The following NTRK3 variants were observed in gnomAD, a reference collection of about 807,000 sequenced individuals.
NTRK3 encodes neurotrophic receptor tyrosine kinase 3.
In NTRK3, 24 loss-of-function variants were observed where a neutral mutation model predicts 91.7. The ratio of observed to expected loss-of-function variants is 0.26; its 90% CI spans 0.19 to 0.37. NTRK3 has a LOEUF of 0.37. Ranked by LOEUF, NTRK3 falls within the 10% of genes least tolerant of loss-of-function variation. The probability of loss-of-function intolerance (pLI) is 1.00; values close to 1 mark genes in which losing one functional copy is unlikely to be tolerated. For missense variants in NTRK3, 880 were observed against 1,068.9 expected, an observed-to-expected ratio of 0.82 and a Z score of 2.46; for synonymous variants, 483 against 404.0, an observed-to-expected ratio of 1.20 and a Z score of -2.34.
chr15:88,187,982 G>A (rs2047079184), intron 3 of NTRK3, among the ~76,000 whole-genome samples: 1 of 152,088 alleles, frequency 6.6e-6, no homozygotes, highest in Non-Finnish European at 1.5e-5. Context: ...CTAGAGGCAG[G>A]CCAGGCACCT....
chr15:88,080,143 T>C (rs1429181301), intron 13 of NTRK3, among the ~76,000 whole-genome samples: 1 of 152,252 alleles, frequency 6.6e-6, no homozygotes, highest in Non-Finnish European at 1.5e-5. Context: ...TTTCCATCAT[T>C]ACAAATAGCA....
chr15:88,014,438 ATC>A (rs2077089053), intron 14 of NTRK3, among the ~76,000 whole-genome samples: 1 of 152,190 alleles, frequency 6.6e-6, no homozygotes, highest in African/African-American at 2.4e-5. Context: ...GTCTCACTGG[ATC>A]TCTGAGATAT....
At chr15:88,137,157 G>A (rs531794646) in intron 7 of NTRK3, among the ~76,000 whole-genome samples, 9 of 152,208 alleles carry the variant, frequency 5.9e-5, no homozygotes, top group Non-Finnish European at 1.3e-4. Context: ...GGTGTGATGA[G>A]AAGGAGCACA....
At chr15:88,139,935 T>A (rs1031918488) in intron 6 of NTRK3, among the ~76,000 whole-genome samples, 1 of 21,168 alleles carries the variant, frequency 4.7e-5, no homozygotes, top group Non-Finnish European at 9.4e-5. Flanking sequence ...GGGGGGAGTG[T>A]GGGGGGTGGG....
chr15:88,043,789 C>T (rs1025374988), intron 13 of NTRK3, among the ~76,000 whole-genome samples: 3 of 152,102 alleles, frequency 2.0e-5, no homozygotes, highest in African/African-American at 7.2e-5. Context: ...AGAGAGAGAA[C>T]TGATGCAGAG....
At chr15:88,094,290 C>T (rs2049342126) in intron 13 of NTRK3, among the ~76,000 whole-genome samples, 1 of 151,640 alleles carries the variant, frequency 6.6e-6, no homozygotes, top group Admixed American at 6.6e-5. Flanking sequence ...CAAGGTGAAA[C>T]CCCATCTCTA....
chr15:87,954,007 A>AGTGCGTGT (rs1491452254), intron 14 of NTRK3, among the ~76,000 whole-genome samples: 2 of 127,636 alleles, frequency 1.6e-5, no homozygotes, highest in Non-Finnish European at 3.3e-5. Context: ...AGACCTTTTC[A>AGTGCGTGT]GTGTGTGTGT....
At chr15:87,876,331 A>G in exon 19 of NTRK3, 1 of 230,424 alleles carries the variant, frequency 4.3e-6, no homozygotes, top group Non-Finnish European at 8.6e-6. Flanking sequence ...AAGTGGAGGA[A>G]ATGGGGAAGA....
At chr15:88,127,091 T>C in intron 12 of NTRK3, 71 bp downstream of exon 12, 2 of 1,323,260 alleles carry the variant, frequency 1.5e-6, no homozygotes, top group Admixed American at 1.8e-5. Flanking sequence ...TTGGAAAAGT[T>C]AGCAACACAA....
intron 14 of NTRK3, among the ~76,000 whole-genome samples, chr15:88,018,150 C>A (rs898049266): frequency 3.9e-5 from 6 of 152,218 alleles, no homozygotes; most frequent in African/African-American, 1.4e-4. Context: ...GCATCACCAC[C>A]AATGCCCATC....
intron 3 of NTRK3, among the ~76,000 whole-genome samples, chr15:88,242,698 G>T (rs978783056): frequency 3.3e-5 from 5 of 152,152 alleles, no homozygotes; most frequent in Non-Finnish European, 7.3e-5. Context: ...CTCCTCTTTG[G>T]GTCCCACAGA....
At chr15:88,044,977 C>T (rs1029731142) in intron 13 of NTRK3, among the ~76,000 whole-genome samples, 4 of 152,200 alleles carry the variant, frequency 2.6e-5, no homozygotes, top group Non-Finnish European at 5.9e-5. Context: ...AGGGGATGGA[C>T]TATTGCAGGT....
chr15:87,975,172 T>G (rs2073616248), intron 14 of NTRK3, among the ~76,000 whole-genome samples: 1 of 152,124 alleles, frequency 6.6e-6, no homozygotes, highest in Non-Finnish European at 1.5e-5. Context: ...TCTTGGGAGG[T>G]TGGCAACCAG....
intron 3 of NTRK3, among the ~76,000 whole-genome samples, chr15:88,195,868 A>C (rs1350195400): frequency 6.6e-6 from 1 of 152,200 alleles, no homozygotes; most frequent in African/African-American, 2.4e-5. Flanking sequence ...TGTGCCTAAA[A>C]TCAGCTGGCC....
At position 88,234,916 on chromosome 15, in the gene NTRK3, C is replaced by T. The variant is rs914820552; in HGVS notation, c.248+20990G>A. Among the ~76,000 whole-genome samples, 3 of 152,160 alleles carry T rather than the reference C, an allele frequency of 2.0e-5. No individual in the cohort carries two copies. Among genetic ancestry groups the T allele is most frequent in the African/African-American group, 4.8e-5 (2 of 41,448 alleles). Reference sequence around the variant, plus strand: ...GGCCTCCTATCCAGCCCCCGACACACTTCCAGCCCCTTCCAACCTGAGAGG... The same window carrying T: ...GGCCTCCTATCCAGCCCCCGACACATTTCCAGCCCCTTCCAACCTGAGAGG... On this transcript the variant is annotated intron_variant, in intron 3 of 18. Transcript: ENST00000394480. This position sits in a 1 kb window ranked among gnomAD's most constrained non-coding sequence, Gnocchi z 6.1.
intron 13 of NTRK3, among the ~76,000 whole-genome samples, chr15:88,086,940 G>A (rs539003979): frequency 6.6e-6 from 1 of 152,294 alleles, no homozygotes; most frequent in Admixed American, 6.5e-5. Context: ...TCTAGGCTCT[G>A]CCCTTCCAGG....
At chr15:88,059,053 C>A (rs1244545354) in intron 13 of NTRK3, among the ~76,000 whole-genome samples, 5 of 148,030 alleles carry the variant, frequency 3.4e-5, no homozygotes, top group Non-Finnish European at 7.5e-5. Flanking sequence ...CACACAAACA[C>A]ACACACACAC....
intron 14 of NTRK3, among the ~76,000 whole-genome samples, chr15:87,976,724 TGA>T (rs936091949): frequency 3.3e-5 from 5 of 152,218 alleles, no homozygotes; most frequent in African/African-American, 1.2e-4. Flanking sequence ...AAACTTGCCA[TGA>T]GAGTGTGGCT....
At position 88,235,698 on chromosome 15, in the gene NTRK3, G is replaced by C. The variant is rs1450165964; in HGVS notation, c.248+20208C>G. On this transcript the variant is annotated intron_variant, in intron 3 of 18. Coordinates refer to ENST00000394480, the Ensembl canonical transcript of NTRK3. The surrounding 1 kb of genome is among the most constrained non-coding windows in gnomAD (Gnocchi z 5.2). Reference sequence around the variant, plus strand: ...GGGAGCTCTGAGAGGACCCTAGGGGGATGTCCTTGGGCTGAGGACCCCAGA... The same window carrying C: ...GGGAGCTCTGAGAGGACCCTAGGGGCATGTCCTTGGGCTGAGGACCCCAGA... Among the ~76,000 whole-genome samples, 1 of 152,188 alleles carries C rather than the reference G, an allele frequency of 6.6e-6. No homozygotes were observed.
Sources: gnomAD v4.1 joint callset for allele counts (sites outside exome capture counted in the v4.1 genomes callset) on GRCh38, gnomAD v4.1.1 for gene constraint, Gnocchi (gnomAD v3.1) non-coding constraint, MANE v1.5 for transcripts, NCBI Gene and HGNC (gene_info 2026-07-23, HGNC 2026-07-21) for gene names.